Variants in LAMA2 observed in about 807,000 individuals in gnomAD.
LAMA2 encodes the protein laminin subunit alpha-2.
Under a neutral mutation model 364.8 loss-of-function variants are expected in LAMA2, and 269 were observed. The ratio of observed to expected loss-of-function variants is 0.74; its 90% CI spans 0.67 to 0.82. The LOEUF is 0.82. Ranked by LOEUF, LAMA2 falls within the 40% of genes least tolerant of loss-of-function variation. LAMA2 has a pLI of 0.00. For synonymous variants in LAMA2, 1,379 were observed against 1,370.6 expected (o/e 1.01, Z -0.14); for missense variants, 3,807 against 3,873.2 (o/e 0.98, Z 0.45).
chr6:129,189,580 A>G (rs1345681942), intron 10 of LAMA2, among the ~76,000 whole-genome samples: 3 of 152,082 alleles, frequency 2.0e-5, no homozygotes, highest in Non-Finnish European at 4.4e-5. Context: ...TGACTAACTG[A>G]TTGTACTGAT....
At chr6:129,062,701 A>G (rs1199121729) in intron 3 of LAMA2, among the ~76,000 whole-genome samples, 1 of 152,176 alleles carries the variant, frequency 6.6e-6, no homozygotes, top group African/African-American at 2.4e-5. Context: ...AATTATAATG[A>G]ATAGGTAAAT....
intron 7 of LAMA2, among the ~76,000 whole-genome samples, chr6:129,150,886 A>AGG (rs1778753756): frequency 6.6e-6 from 1 of 152,144 alleles, no homozygotes; most frequent in Non-Finnish European, 1.5e-5. Context: ...TGACATGACA[A>AGG]ATCCCTCCAT....
intron 52 of LAMA2, among the ~76,000 whole-genome samples, chr6:129,474,891 T>C (rs1429726897): frequency 6.6e-6 from 1 of 152,172 alleles, no homozygotes; most frequent in African/African-American, 2.4e-5. Context: ...AAAACAGCCA[T>C]TAGAGGTATA....
intron 1 of LAMA2, among the ~76,000 whole-genome samples, chr6:128,989,967 C>A (rs1783504634): frequency 6.6e-6 from 1 of 152,162 alleles, no homozygotes. Context: ...CCTAAAGCCC[C>A]ACCTCCTGAT....
chr6:129,328,977 T>G (rs1251768118), intron 29 of LAMA2, among the ~76,000 whole-genome samples: 1 of 152,300 alleles, frequency 6.6e-6, no homozygotes, highest in African/African-American at 2.4e-5. Context: ...CCATTTCCCT[T>G]AGAATTGAGG....
chr6:129,060,857 T>C (rs11154463), intron 3 of LAMA2, among the ~76,000 whole-genome samples: 43,332 of 152,032 alleles, frequency 0.29, 6,557 homozygotes, highest in African/African-American at 0.39. Context: ...AACAAGCTGG[T>C]GGATTGCACG....
At chr6:129,072,686 T>C (rs532020665) in intron 3 of LAMA2, among the ~76,000 whole-genome samples, 34 of 152,186 alleles carry the variant, frequency 2.2e-4, no homozygotes, top group Middle Eastern at 3.4e-3. Context: ...ATTTAATTAT[T>C]CCATTTCTTC....
chr6:128,997,516 C>G (rs957240371), intron 1 of LAMA2, among the ~76,000 whole-genome samples: 1 of 152,142 alleles, frequency 6.6e-6, no homozygotes, highest in African/African-American at 2.4e-5. Flanking sequence ...GTGATGTGGC[C>G]AGGCATGGTG....
intron 55 of LAMA2, among the ~76,000 whole-genome samples, 177 bp from the exon 56 acceptor site, chr6:129,486,297 T>G (rs1784578892): frequency 6.6e-6 from 1 of 152,192 alleles, no homozygotes; most frequent in Non-Finnish European, 1.5e-5. Context: ...CAAGCAAAAA[T>G]GGTAAATGAT....
intron 49 of LAMA2, among the ~76,000 whole-genome samples, chr6:129,462,318 AC>A (rs1184420371): frequency 6.6e-6 from 1 of 151,836 alleles, no homozygotes; most frequent in Non-Finnish European, 1.5e-5. Flanking sequence ...GAAGACACCA[AC>A]CTCAAAGTAC....
chr6:128,981,392 C>G (rs111444933), intron 1 of LAMA2, among the ~76,000 whole-genome samples: 3,539 of 152,094 alleles, frequency 0.023, 125 homozygotes, highest in African/African-American at 0.081. Flanking sequence ...CTTGCCTGCA[C>G]TTCTAGCCTC....
chr6:128,987,137 T>G (rs867637209), intron 1 of LAMA2, among the ~76,000 whole-genome samples: 30 of 46,718 alleles, frequency 6.4e-4, no homozygotes, highest in East Asian at 2.0e-3. Flanking sequence ...TTTTTTTTTT[T>G]TTGTTTTTTT....
At chr6:129,093,127 C>T (rs1262801097) in intron 3 of LAMA2, among the ~76,000 whole-genome samples, 2 of 151,474 alleles carry the variant, frequency 1.3e-5, no homozygotes, top group Non-Finnish European at 2.9e-5. Flanking sequence ...GGATTACAGG[C>T]GCCCACCACC....
chr6:129,386,803 C>A (rs2114662619), intron 35 of LAMA2, among the ~76,000 whole-genome samples: 1 of 152,118 alleles, frequency 6.6e-6, no homozygotes, highest in East Asian at 1.9e-4. Context: ...GCACACATAC[C>A]AAAAACCCAT....
rs761456598 is a variant in LAMA2 at position 129,465,291 on chromosome 6, T to G, written c.7300+2T>G. 6 of 1,608,568 alleles carry G rather than the reference T, an allele frequency of 3.7e-6. No homozygotes were observed. The highest frequency in any genetic ancestry group is 5.1e-6 in the Non-Finnish European group (6 of 1,176,010). On this transcript the variant is annotated splice_donor_variant, in intron 51 of 64. Transcript: ENST00000421865. LOFTEE classifies it high-confidence loss of function. Reference sequence around the variant, plus strand: ...CTCTGTCAAGAATTCAAAAACAAGGTGAGTTTTTACAGTAATAATGCAATA... The same window carrying G: ...CTCTGTCAAGAATTCAAAAACAAGGGGAGTTTTTACAGTAATAATGCAATA...
intron 47 of LAMA2, among the ~76,000 whole-genome samples, chr6:129,455,909 C>A (rs1782937642): frequency 6.6e-6 from 1 of 152,152 alleles, no homozygotes; most frequent in African/African-American, 2.4e-5. Flanking sequence ...TTGGGGTCCA[C>A]TAGCTGAATT....
chr6:129,199,764 G>C (rs12210627), intron 12 of LAMA2, among the ~76,000 whole-genome samples: 6,125 of 152,106 alleles, frequency 0.04, 174 homozygotes, highest in South Asian at 0.073. Context: ...GTAGGGAAAA[G>C]CCAATGGCCA....
intron 1 of LAMA2, among the ~76,000 whole-genome samples, chr6:128,952,075 G>A (rs1780857389): frequency 6.6e-6 from 1 of 152,148 alleles, no homozygotes; most frequent in Non-Finnish European, 1.5e-5. Context: ...GCTGAGGTGG[G>A]AGAATTGCTT....
At chr6:129,108,933 C>T (rs567982067) in intron 4 of LAMA2, among the ~76,000 whole-genome samples, 18 of 152,172 alleles carry the variant, frequency 1.2e-4, no homozygotes, top group African/African-American at 4.1e-4. Context: ...TAATAAGGAT[C>T]ACATTACAGG....
Sources: allele counts gnomAD v4.1 joint callset (sites outside exome capture counted in the v4.1 genomes callset), GRCh38; gene constraint gnomAD v4.1.1; transcripts MANE v1.5; gene names NCBI Gene and HGNC (gene_info 2026-07-23, HGNC 2026-07-21).